TYW1: variants seen among roughly 807,000 people sequenced by gnomAD.
The protein encoded by TYW1 is S-adenosyl-L-methionine-dependent tRNA 4-demethylwyosine synthase TYW1.
In TYW1, 46 loss-of-function variants were observed where a neutral mutation model predicts 96.2. The ratio of observed to expected loss-of-function variants is 0.48; its 90% CI spans 0.38 to 0.61. TYW1 has a LOEUF of 0.61. TYW1 is among the 20% of genes least tolerant of loss of function. TYW1 has a pLI of 0.00. For missense variants in TYW1, 684 were observed against 909.6 expected (o/e 0.75, Z 3.19); for synonymous variants, 274 against 323.0 (o/e 0.85, Z 1.63).
rs1252013715 is a variant in TYW1, at chr7:67,059,383, G to A, written c.1155+3496G>A. On this transcript the variant is annotated intron_variant, in intron 9 of 15. Transcript: ENST00000359626. The stretch of plus-strand genomic sequence containing the variant: ...CTCCCAAAGTGCTGGGATTACAGGC[G>A]TGAGCCACCGTGCCTGGCCAAAGAC... Among the ~76,000 whole-genome samples, 9 of 151,346 alleles carry A rather than the reference G, an allele frequency of 5.9e-5. No individual in the cohort carries two copies. The South Asian group carries it at 1.1e-3, about 18-fold the overall frequency.
At chr7:67,159,108 GCTT>G (rs886430575) in intron 13 of TYW1, among the ~76,000 whole-genome samples, 1 of 151,900 alleles carries the variant, frequency 6.6e-6, no homozygotes, top group African/African-American at 2.4e-5. Context: ...TAAAATGAAG[GCTT>G]CGATTACTGA....
intron 15 of TYW1, among the ~76,000 whole-genome samples, chr7:67,220,603 C>T (rs543228759): frequency 3.9e-5 from 6 of 152,152 alleles, no homozygotes; most frequent in East Asian, 3.9e-4. Flanking sequence ...CCTAACTTAC[C>T]GCCTTTCCTG....
intron 12 of TYW1, among the ~76,000 whole-genome samples, chr7:67,111,524 A>G (rs1797406873): frequency 1.3e-5 from 2 of 152,298 alleles, no homozygotes; most frequent in East Asian, 3.9e-4. Flanking sequence ...CAAAGAAACA[A>G]AAGTATGAAA....
At chr7:67,103,741 A>T (rs1000919349) in intron 12 of TYW1, among the ~76,000 whole-genome samples, 1 of 152,246 alleles carries the variant, frequency 6.6e-6, no homozygotes, top group African/African-American at 2.4e-5. Context: ...CACAGAGGCC[A>T]TGTATTTTGG....
In TYW1 at chr7:67,238,757, T is replaced by C; in HGVS notation, c.*228T>C. On this transcript the variant is annotated 3_prime_UTR_variant, in exon 16 of 16. Coordinates refer to ENST00000359626, the MANE Select transcript of TYW1 (RefSeq NM_018264.4). ...ACTCAGCCCCTTTCCTGATTTTACT[T>C]CTAAGAGGAAAATTATTTTGGGGAG... is the stretch of plus-strand genomic sequence containing the variant. 2 of 1,365,066 alleles carry C rather than the reference T, an allele frequency of 1.5e-6. No homozygotes were observed. The highest frequency in any genetic ancestry group is 1.9e-6 in the Non-Finnish European group (2 of 1,056,182). The allele number at this position is 1,365,066 out of a possible 1,614,324, so 84.6% of individuals were successfully genotyped here.
intron 8 of TYW1, 79 bp from the exon 9 acceptor site, chr7:67,055,756 T>TTC (rs1795494284): frequency 2.3e-6 from 3 of 1,293,032 alleles, no homozygotes; most frequent in African/African-American, 1.5e-5. Flanking sequence ...AAAAAAAAAT[T>TTC]TTTGCTAAAT....
chr7:67,161,539 A>G (rs530380338), intron 13 of TYW1, among the ~76,000 whole-genome samples: 39 of 152,306 alleles, frequency 2.6e-4, no homozygotes, highest in African/African-American at 9.4e-4. Flanking sequence ...ACGGGCAGCT[A>G]GGTCCAATTC....
chr7:67,006,204 C>CAGTG (rs1235131766), intron 3 of TYW1, among the ~76,000 whole-genome samples: 6 of 152,084 alleles, frequency 3.9e-5, no homozygotes, highest in Non-Finnish European at 7.3e-5. Context: ...GTCCTCGTGA[C>CAGTG]AGTGAGTTCT....
intron 9 of TYW1, among the ~76,000 whole-genome samples, chr7:67,066,007 A>C (rs1795851089): frequency 7.7e-6 from 1 of 129,816 alleles, no homozygotes; most frequent in Non-Finnish European, 1.6e-5. Flanking sequence ...GAGACTACAC[A>C]CACACACACA....
intron 13 of TYW1, among the ~76,000 whole-genome samples, chr7:67,119,663 A>G (rs1357702444): frequency 1.3e-5 from 2 of 152,024 alleles, no homozygotes; most frequent in Admixed American, 1.3e-4. Context: ...TAAGTTTTAT[A>G]TCTATTAAAA....
intron 13 of TYW1, among the ~76,000 whole-genome samples, chr7:67,171,413 A>C (rs1043578349): frequency 6.6e-6 from 1 of 151,846 alleles, no homozygotes; most frequent in African/African-American, 2.4e-5. Flanking sequence ...TCTCTTTCCT[A>C]ACCCTGTTGA....
chr7:67,150,776 C>T, intron 13 of TYW1, among the ~76,000 whole-genome samples: 1 of 151,186 alleles, frequency 6.6e-6, no homozygotes, highest in Non-Finnish European at 1.5e-5. Flanking sequence ...AAATACAGGC[C>T]TTGTCTTTTT....
At chr7:67,191,782 A>G (rs1800226774) in intron 14 of TYW1, among the ~76,000 whole-genome samples, 1 of 151,022 alleles carries the variant, frequency 6.6e-6, no homozygotes, top group Non-Finnish European at 1.5e-5. Flanking sequence ...CACCAAGAAC[A>G]TTTTCTGCCC....
intron 15 of TYW1, among the ~76,000 whole-genome samples, chr7:67,222,875 T>TTC (rs1441323802): frequency 2.7e-5 from 4 of 150,594 alleles, no homozygotes; most frequent in Non-Finnish European, 5.9e-5. Flanking sequence ...TCTTTTTTTT[T>TTC]TTTTTTTTTT....
intron 13 of TYW1, among the ~76,000 whole-genome samples, chr7:67,157,719 G>T (rs2116200011): frequency 6.6e-6 from 1 of 152,246 alleles, no homozygotes; most frequent in South Asian, 2.1e-4. Context: ...ACTTCCTTAG[G>T]CTTCTCTAGG....
At chr7:67,121,904 A>G (rs1184254673) in intron 13 of TYW1, among the ~76,000 whole-genome samples, 1 of 148,820 alleles carries the variant, frequency 6.7e-6, no homozygotes, top group Non-Finnish European at 1.5e-5. Context: ...GTACTTGAGT[A>G]TGTGGGCTAA....
Position 67,093,054 on chromosome 7 carries a change from C to T in TYW1, c.1385-5487C>T, listed in dbSNP as rs567009412. 1.8e-4 allele frequency among the ~76,000 whole-genome samples: 27 copies of T among 152,210 alleles called. No individual in the cohort carries two copies. The East Asian group carries it at 2.7e-3, about 15-fold the overall frequency. On this transcript the variant is annotated intron_variant, in intron 11 of 15. Coordinates refer to ENST00000359626, the MANE Select transcript of TYW1 (RefSeq NM_018264.4). ...TGGTGGCATATGCCTGTGGTCCTAG[C>T]ACCTGAGGAGGCAGAGGTGGGAGGG...
chr7:67,032,284 C>T (rs775979931), intron 7 of TYW1, among the ~76,000 whole-genome samples: 8 of 151,922 alleles, frequency 5.3e-5, no homozygotes, highest in Non-Finnish European at 1.0e-4. Context: ...TTTGGATCTC[C>T]GTAGGGTTTG....
At chr7:67,180,731 C>T (rs1159370320) in intron 13 of TYW1, among the ~76,000 whole-genome samples, 1 of 152,040 alleles carries the variant, frequency 6.6e-6, no homozygotes, top group African/African-American at 2.4e-5. Flanking sequence ...CAACCTCTGC[C>T]TCCCGGGTTG....
Sources: gnomAD v4.1 joint callset for allele counts (sites outside exome capture counted in the v4.1 genomes callset) on GRCh38, gnomAD v4.1.1 for gene constraint, MANE v1.5 for transcripts, NCBI Gene and HGNC (gene_info 2026-07-23, HGNC 2026-07-21) for gene names.